Variants in TLN2 observed in about 807,000 individuals in gnomAD.
TLN2 encodes the protein talin 2.
Under a neutral mutation model 294.7 loss-of-function variants are expected in TLN2, and 118 were observed. The observed-to-expected ratio is 0.40, with a 90% CI of 0.34 to 0.47. TLN2 has a LOEUF of 0.47. TLN2 is among the 20% of genes least tolerant of loss of function. The pLI is 0.84. For missense variants in TLN2, 3,083 were observed against 3,282.2 expected (o/e 0.94, Z 1.48); for synonymous variants, 1,431 against 1,304.5 (o/e 1.10, Z -2.09).
intron 46 of TLN2, among the ~76,000 whole-genome samples, chr15:62,794,630 G>T (rs970566338): frequency 6.6e-6 from 1 of 152,178 alleles, no homozygotes; most frequent in African/African-American, 2.4e-5. Flanking sequence ...ATGCCAGTCT[G>T]ACTTGTCTTT....
chr15:62,685,306 C>G (rs1161952252), intron 11 of TLN2, among the ~76,000 whole-genome samples: 1 of 151,954 alleles, frequency 6.6e-6, no homozygotes, highest in East Asian at 1.9e-4. Flanking sequence ...CTGGATATAT[C>G]ATAATTTATG....
intron 3 of TLN2, among the ~76,000 whole-genome samples, chr15:62,646,799 AAGAGGAGCACCTG>A (rs1258128383): frequency 6.6e-6 from 1 of 152,174 alleles, no homozygotes; most frequent in African/African-American, 2.4e-5. Flanking sequence ...CTTTTGTGCC[AAGAGGAGCACCTG>A]AGAGGGCTTC....
intron 1 of TLN2, among the ~76,000 whole-genome samples, chr15:62,579,232 G>A (rs2044701796): frequency 1.3e-5 from 2 of 152,152 alleles, no homozygotes; most frequent in South Asian, 4.2e-4. Context: ...AAGAGAAGAG[G>A]AATTTAGCTT....
intron 26 of TLN2, 26 bp from the exon 27 acceptor site, chr15:62,724,950 A>G: frequency 4.4e-6 from 7 of 1,603,928 alleles, no homozygotes; most frequent in Non-Finnish European, 6.0e-6. Flanking sequence ...CAGACTGGGT[A>G]TACATATTTC....
At chr15:62,742,333 C>G (rs1042695890) in intron 32 of TLN2, among the ~76,000 whole-genome samples, 1 of 152,012 alleles carries the variant, frequency 6.6e-6, no homozygotes, top group African/African-American at 2.4e-5. Context: ...CCCTCTTGAT[C>G]GTTGCTTTTT....
chr15:62,441,898 A>T (rs1174283981), intron 1 of TLN2, among the ~76,000 whole-genome samples: 1 of 152,172 alleles, frequency 6.6e-6, no homozygotes, highest in East Asian at 1.9e-4. Context: ...CCTAGAGGGC[A>T]TGGAAGCTTC....
chr15:62,463,885 TCAAA>T lies in TLN2; in HGVS notation c.-238+73221_-238+73224del, dbSNP rs752946600. Among the ~76,000 whole-genome samples, 94 of 152,188 alleles carry T rather than the reference TCAAA, an allele frequency of 6.2e-4. 1 individual carries two copies. In the East Asian group the frequency reaches 7.0e-3, roughly 11 times the overall value. On this transcript the variant is annotated intron_variant, in intron 1 of 58. Coordinates refer to ENST00000636159, the MANE Select transcript of TLN2 (RefSeq NM_015059.3). ...CTGGGCAACAGAGCGAGACTCTGTC[TCAAA>T]CAAACAAACAAACAAACAAATAAAA... is the stretch of plus-strand genomic sequence containing the variant.
chr15:62,816,148 A>G (rs1257128060), intron 52 of TLN2, among the ~76,000 whole-genome samples: 1 of 152,238 alleles, frequency 6.6e-6, no homozygotes, highest in Non-Finnish European at 1.5e-5. Context: ...TAGAGAATTC[A>G]GTTAACTCTC....
intron 1 of TLN2, among the ~76,000 whole-genome samples, chr15:62,575,021 T>C (rs2044265746): frequency 6.6e-6 from 1 of 152,156 alleles, no homozygotes; most frequent in Non-Finnish European, 1.5e-5. Flanking sequence ...AAGTTTATTA[T>C]CTGTTTCAGG....
intron 9 of TLN2, among the ~76,000 whole-genome samples, chr15:62,660,843 C>T (rs1038463135): frequency 9.9e-5 from 15 of 152,102 alleles, no homozygotes; most frequent in Non-Finnish European, 5.9e-5. Context: ...GTCTATGTGG[C>T]AGATAAGTAT....
intron 2 of TLN2, among the ~76,000 whole-genome samples, chr15:62,608,176 T>A (rs746639936): frequency 1.3e-5 from 2 of 152,182 alleles, no homozygotes; most frequent in Non-Finnish European, 2.9e-5. Context: ...ATCTACAAAG[T>A]GCCAGGCAGT....
intron 1 of TLN2, among the ~76,000 whole-genome samples, chr15:62,545,609 A>G (rs1596077384): frequency 6.6e-6 from 1 of 151,994 alleles, no homozygotes; most frequent in Non-Finnish European, 1.5e-5. Flanking sequence ...GCAGAGCTGC[A>G]AATCTCCTGC....
intron 1 of TLN2, among the ~76,000 whole-genome samples, chr15:62,500,525 A>G (rs1025365835): frequency 4.6e-5 from 7 of 152,194 alleles, no homozygotes; most frequent in Non-Finnish European, 1.0e-4. Context: ...GTTTAAACTA[A>G]GTTCCAGATG....
chr15:62,783,717 C>G, intron 44 of TLN2, 54 bp from the exon 45 acceptor site: 1 of 1,362,912 alleles, frequency 7.3e-7, no homozygotes, highest in South Asian at 1.4e-5. Flanking sequence ...TCATGCGTTT[C>G]TCTCTGTGTG....
At chr15:62,763,441 C>G in intron 39 of TLN2, 122 bp from the exon 40 acceptor site, 1 of 1,373,486 alleles carries the variant, frequency 7.3e-7, no homozygotes, top group Non-Finnish European at 9.7e-7. Context: ...AGGGATTCCT[C>G]CTGAAAGGAG....
chr15:62,491,761 A>G (rs2038738940), intron 1 of TLN2, among the ~76,000 whole-genome samples: 1 of 151,964 alleles, frequency 6.6e-6, no homozygotes, highest in African/African-American at 2.4e-5. Flanking sequence ...TCCTTTCACA[A>G]CTCTTACAGT....
rs760428917 is a variant in TLN2, at chr15:62,755,592, A to G, written c.4537A>G (p.Ile1513Val). 12 of 1,614,224 alleles carry G rather than the reference A, an allele frequency of 7.4e-6. No homozygotes were observed. The South Asian group carries it at 8.8e-5, about 12-fold the overall frequency. Residue 1513 changes from isoleucine to valine, a missense_variant, in exon 37 of 59, where the codon ATC becomes GTC. By Grantham distance (29) the Ile-to-Val change is conservative. Transcript: ENST00000636159. ...HTSALCNACR[I>V]ASSKTANPVA... ...GTCAGCCTTGTGCAATGCCTGCCGC[A>G]TCGCCTCATCCAAGACGGCCAACCC...
intron 1 of TLN2, among the ~76,000 whole-genome samples, chr15:62,586,177 G>A (rs76756167): frequency 0.014 from 2,139 of 152,258 alleles, 64 homozygotes; most frequent in African/African-American, 0.048. Flanking sequence ...GACTTGTTTC[G>A]CACTAAAGGG....
intron 1 of TLN2, among the ~76,000 whole-genome samples, chr15:62,466,453 T>C (rs190942520): frequency 6.6e-6 from 1 of 152,330 alleles, no homozygotes; most frequent in Admixed American, 6.5e-5. Flanking sequence ...CTCTACCCAG[T>C]AGGTGCCACT....
Sources: allele counts gnomAD v4.1 joint callset (sites outside exome capture counted in the v4.1 genomes callset), GRCh38; gene constraint gnomAD v4.1.1; transcripts MANE v1.5; gene names NCBI Gene and HGNC (gene_info 2026-07-23, HGNC 2026-07-21).